Variants in PLPP1 observed in about 807,000 individuals in gnomAD.
PLPP1 encodes lipid phosphate phosphohydrolase 1a.
PLPP1 carries 24 observed loss-of-function variants against 31.2 expected under a neutral mutation model. The observed-to-expected ratio is 0.77, with a 90% confidence interval of 0.56 to 1.08. The LOEUF is 1.08. PLPP1 is among the 50% of genes least tolerant of loss of function. The probability of loss-of-function intolerance (pLI) is 0.00; values close to 1 mark genes in which losing one functional copy is unlikely to be tolerated. For synonymous variants in PLPP1, 146 were observed against 126.3 expected, an observed-to-expected ratio of 1.16 and a Z score of -1.05; for missense variants, 319 against 342.7, an observed-to-expected ratio of 0.93 and a Z score of 0.55.
chr5:55,435,886 C>G (rs551003557), intron 4 of PLPP1, among the ~76,000 whole-genome samples: 1 of 151,790 alleles, frequency 6.6e-6, no homozygotes, highest in Non-Finnish European at 1.5e-5. Flanking sequence ...CTACAGTGTG[C>G]GCCTGTAGTC....
In PLPP1 at chr5:55,534,651, G is replaced by A; in HGVS notation, c.-22C>T. 6.5e-7 allele frequency: 1 copy of A among 1,537,840 alleles called. No homozygotes were observed. Among genetic ancestry groups the A allele is most frequent in the Non-Finnish European group, 8.7e-7 (1 of 1,143,782 alleles). On this transcript the variant is annotated 5_prime_UTR_variant, in exon 1 of 6. Coordinates refer to ENST00000307259, the MANE Select transcript of PLPP1 (RefSeq NM_003711.4). ...ACATGGTCTCTGCCCGGGCTGCCCG[G>A]CAAGGGCGATGGACTGAGCTGCGGG...
chr5:55,425,088 G>T lies in PLPP1; in HGVS notation c.*118C>A. ...ACAAAGTGTGCATCCAAGAGGCATA[G>T]CAGCAGCAGAAGTCTTTAAAGGCTT... On this transcript the variant is annotated 3_prime_UTR_variant, in exon 6 of 6. Coordinates refer to ENST00000307259, the MANE Select transcript of PLPP1 (RefSeq NM_003711.4). 1 of 1,316,050 alleles carries T rather than the reference G, an allele frequency of 7.6e-7. No homozygotes were observed. The highest frequency in any genetic ancestry group is 1.0e-6 in the Non-Finnish European group (1 of 959,774). The allele number at this position is 1,316,050 out of a possible 1,614,324, so 81.5% of individuals were successfully genotyped here. A position where few individuals can be genotyped will look rare whatever the true frequency, so the allele number is the denominator to read the frequency against.
chr5:55,530,975 T>C (rs1561260916), intron 1 of PLPP1, among the ~76,000 whole-genome samples: 1 of 151,340 alleles, frequency 6.6e-6, no homozygotes, highest in East Asian at 1.9e-4. Flanking sequence ...GGCCCGGGGC[T>C]CGATGCCCTA....
At chr5:55,429,577 T>C (rs1050430359) in intron 4 of PLPP1, among the ~76,000 whole-genome samples, 65 of 152,202 alleles carry the variant, frequency 4.3e-4, no homozygotes, top group African/African-American at 1.5e-3. Flanking sequence ...GACTGCATGA[T>C]GGCACTGCTC....
intron 1 of PLPP1, among the ~76,000 whole-genome samples, chr5:55,504,423 G>A (rs1753222200): frequency 6.7e-6 from 1 of 149,974 alleles, no homozygotes; most frequent in African/African-American, 2.5e-5. Context: ...TTGGGAGGCT[G>A]AGGCAGGAGG....
rs777583998 is a variant in PLPP1, at chr5:55,468,116, T to A, written c.244A>T (p.Asn82Tyr). 2 of 1,608,746 alleles carry A rather than the reference T, an allele frequency of 1.2e-6. No homozygotes were observed. The highest frequency in any genetic ancestry group is 1.7e-6 in the Non-Finnish European group (2 of 1,177,090). Residue 82 changes from asparagine to tyrosine, a missense_variant, in exon 3 of 6, where the codon AAC (asparagine) becomes TAC (tyrosine). Physicochemically the swap from Asn to Tyr is moderately radical, Grantham distance 143 (BLOSUM62 -2). Coordinates refer to ENST00000307259, the MANE Select transcript of PLPP1 (RefSeq NM_003711.4). ...ATAAAGGAATTTGAGTGCAAAAGGT[T>A]ACAGTAAACAGACAGGGTTTCTCCA... ...ILGETLSVYC[N>Y]LLHSNSFIRN... is the part of the protein sequence containing the mutation.
intron 4 of PLPP1, among the ~76,000 whole-genome samples, chr5:55,426,892 G>GTT (rs1351673006): frequency 6.6e-6 from 1 of 152,096 alleles, no homozygotes; most frequent in African/African-American, 2.4e-5. Context: ...ATAGGTTGTA[G>GTT]TTTAGTTATG....
At chr5:55,502,699 G>C (rs948946206) in intron 1 of PLPP1, among the ~76,000 whole-genome samples, 30 of 152,098 alleles carry the variant, frequency 2.0e-4, no homozygotes, top group African/African-American at 6.8e-4. Flanking sequence ...AAAATAAACT[G>C]ACAGGTTGAG....
At chr5:55,429,965 T>A (rs1023414579) in intron 4 of PLPP1, among the ~76,000 whole-genome samples, 1 of 151,984 alleles carries the variant, frequency 6.6e-6, no homozygotes, top group Admixed American at 6.5e-5. Flanking sequence ...CCAGCCCGGC[T>A]CCACCTACCC....
At chr5:55,497,005 A>G (rs903727819) in intron 1 of PLPP1, among the ~76,000 whole-genome samples, 8 of 152,216 alleles carry the variant, frequency 5.3e-5, no homozygotes, top group African/African-American at 1.9e-4. Context: ...TTTGAAAACA[A>G]TGAAATAAAA....
intron 3 of PLPP1, among the ~76,000 whole-genome samples, chr5:55,458,424 TA>T (rs947906292): frequency 1.4e-3 from 199 of 146,882 alleles, no homozygotes; most frequent in Middle Eastern, 3.5e-3. Flanking sequence ...GTATTAACCT[TA>T]AAAAAAAAAA....
rs773273630 is a variant in PLPP1, at chr5:55,425,224, C to T, written c.837G>A (p.Pro279=). ...HETPTTGNHY[P]SNHQP Reference sequence around the variant, plus strand: ...CTGCCTTTCAAGGCTGGTGATTGCTCGGATAGTGATTCCCAGTTGTTGGTG... The same window carrying T: ...CTGCCTTTCAAGGCTGGTGATTGCTTGGATAGTGATTCCCAGTTGTTGGTG... The change falls in exon 6 of 6, where the codon CCG becomes CCA. Residue 279 remains proline, a synonymous_variant. Coordinates refer to ENST00000307259, the MANE Select transcript of PLPP1 (RefSeq NM_003711.4). 8.7e-6 allele frequency: 14 copies of T among 1,613,474 alleles called. No homozygotes were observed. Among genetic ancestry groups the T allele is most frequent in the South Asian group, 3.3e-5 (3 of 90,984 alleles).
chr5:55,435,541 A>G (rs1240223895), intron 4 of PLPP1, among the ~76,000 whole-genome samples: 1 of 152,196 alleles, frequency 6.6e-6, no homozygotes, highest in Non-Finnish European at 1.5e-5. Context: ...TTTGGAGGCT[A>G]TCCTGATATA....
intron 3 of PLPP1, among the ~76,000 whole-genome samples, chr5:55,463,234 A>G (rs1438639485): frequency 6.6e-6 from 1 of 152,140 alleles, no homozygotes; most frequent in African/African-American, 2.4e-5. Flanking sequence ...CACCTAATGC[A>G]TGTGGGGCTT....
rs956315454 is a variant in PLPP1, at chr5:55,530,115, T to C, written c.58+4457A>G. 2.3e-5 allele frequency: 22 copies of C among 965,658 alleles called. No individual in the cohort carries two copies. The African/African-American group carries it at 3.5e-4, about 15-fold the overall frequency. 59.8% of individuals were successfully genotyped at this position (965,658 alleles called of 1,614,324 possible). On this transcript the variant is annotated intron_variant, in intron 1 of 5. Transcript: ENST00000307259. ...CTTCATGTAGTTTCCCCCTTAAAGA[T>C]GGCACTTGCAGGTACAAAGATGCAG... is the stretch of plus-strand genomic sequence containing the variant.
chr5:55,509,888 A>T (rs1753367541), intron 1 of PLPP1, among the ~76,000 whole-genome samples: 1 of 152,216 alleles, frequency 6.6e-6, no homozygotes, highest in Non-Finnish European at 1.5e-5. Flanking sequence ...CCCTCATGGT[A>T]CAGCTGTTCG....
chr5:55,452,777 C>T (rs1047983505), intron 3 of PLPP1, among the ~76,000 whole-genome samples: 4 of 152,172 alleles, frequency 2.6e-5, no homozygotes, highest in African/African-American at 7.2e-5. Context: ...TCATCTGTTA[C>T]TGAACCTTCT....
chr5:55,470,426 G>T (rs1752391682), intron 2 of PLPP1, among the ~76,000 whole-genome samples: 1 of 152,160 alleles, frequency 6.6e-6, no homozygotes, highest in Admixed American at 6.5e-5. Flanking sequence ...CATAGTTTAT[G>T]GCCACCCAAA....
intron 1 of PLPP1, among the ~76,000 whole-genome samples, chr5:55,521,367 A>ACAAAAAACAAAAAACTTGATTAAAATACC (rs1561256369): frequency 8.2e-5 from 10 of 122,020 alleles, no homozygotes; most frequent in African/African-American, 3.1e-4. Context: ...AAAAAAAAAA[A>ACAAAAAACAAAAAACTTGATTAAAATACC]TTGGCCAGGC....
Sources: allele counts gnomAD v4.1 joint callset (sites outside exome capture counted in the v4.1 genomes callset), GRCh38; gene constraint gnomAD v4.1.1; transcripts MANE v1.5; gene names NCBI Gene and HGNC (gene_info 2026-07-23, HGNC 2026-07-21).